DDAH2: variants seen among roughly 807,000 people sequenced by gnomAD.
DDAH2 encodes putative hydrolase DDAH2.
Under a neutral mutation model 24.8 loss-of-function variants are expected in DDAH2, and 8 were observed. The ratio of observed to expected loss-of-function variants is 0.32; its 90% CI spans 0.19 to 0.58. The LOEUF (loss-of-function observed/expected upper bound fraction) is 0.58. Among genes scored for constraint, DDAH2 ranks in the 20% least tolerant of loss-of-function variants. The pLI, the probability that DDAH2 is intolerant of heterozygous loss-of-function variation, is 0.87. For missense variants in DDAH2, 281 were observed against 379.0 expected (o/e 0.74, Z 2.15); for synonymous variants, 151 against 166.1 (o/e 0.91, Z 0.70).
Position 31,728,498 on chromosome 6 carries a change from T to C in DDAH2, c.424A>G (p.Lys142Glu). The C allele has an allele frequency of 6.2e-7, 1 of 1,612,748 alleles. No homozygotes were observed. The highest frequency in any genetic ancestry group is 8.5e-7 in the Non-Finnish European group (1 of 1,179,928). ...TGREFFVGLS[K>E]WTNHRGAEIV... ...TCAGCTCCTCGGTGATTGGTCCATT[T>C]GGAGAGGCCTACGAAAAACTCCCGG... Residue 142 changes from lysine to glutamate, a missense_variant, in exon 3 of 6, where the codon AAA (lysine) becomes GAA (glutamate). Physicochemically the swap from Lys to Glu is moderately conservative, Grantham distance 56. Transcript: ENST00000375789. The surrounding 1 kb of genome is among the most constrained non-coding windows in gnomAD (Gnocchi z 9.8).
chr6:31,728,045 G>T lies in DDAH2; in HGVS notation c.591+128C>A. 1 of 1,161,354 alleles carries T rather than the reference G, an allele frequency of 8.6e-7. No individual in the cohort carries two copies. Among genetic ancestry groups the T allele is most frequent in the Non-Finnish European group, 1.2e-6 (1 of 825,034 alleles). 71.9% of individuals were successfully genotyped at this position (1,161,354 alleles called of 1,614,324 possible). A position where few individuals can be genotyped will look rare whatever the true frequency, so the allele number is the denominator to read the frequency against. On this transcript the variant is annotated intron_variant, in intron 4 of 5. Transcript: ENST00000375789. This position sits in a 1 kb window ranked among gnomAD's most constrained non-coding sequence, Gnocchi z 9.8. ...CTGTTGTAACTTCTTATTTTCTCCT[G>T]TGTTCTTTCATGTAAGATGGACAGC...
Position 31,728,711 on chromosome 6 carries a change from C to T in DDAH2, c.332G>A (p.Gly111Glu). The change falls in exon 2 of 6, where the codon GGG becomes GAG. Residue 111 changes from glycine to glutamate, a missense_variant. Gly to Glu is a moderately conservative substitution (Grantham distance 98). Coordinates refer to ENST00000375789, the MANE Select transcript of DDAH2 (RefSeq NM_001303007.2). This position sits in a 1 kb window ranked among gnomAD's most constrained non-coding sequence, Gnocchi z 9.8. ...DGVRKALQDL[G>E]LRIVEIGDEN... ...GTCTCCTATTTCCACAATTCGGAGC[C>T]CCAGGTCTTGCAGGGCTTTGCGGAC... The T allele has an allele frequency of 6.2e-7, 1 of 1,613,028 alleles. No individual in the cohort carries two copies. Among genetic ancestry groups the T allele is most frequent in the Non-Finnish European group, 8.5e-7 (1 of 1,180,010 alleles).
chr6:31,727,309 G>A lies in DDAH2; in HGVS notation c.786C>T (p.Cys262=). Residue 262 remains cysteine (C), a synonymous_variant, in exon 6 of 6, where the codon TGC becomes TGT. Coordinates refer to ENST00000375789, the MANE Select transcript of DDAH2 (RefSeq NM_001303007.2). The surrounding 1 kb of genome is among the most constrained non-coding windows in gnomAD (Gnocchi z 6.0). ...CGGCGCCAGCCTTCTCCAGTTCTGA[G>A]CAGGACACAGGTACCAGGGTGACAT... is the stretch of plus-strand genomic sequence containing the variant. ...LSDVTLVPVS[C]SELEKAGAGL... is the part of the protein sequence containing the mutation. 6.2e-7 allele frequency: 1 copy of A among 1,613,108 alleles called. No individual in the cohort carries two copies. The highest frequency in any genetic ancestry group is 1.7e-4 in the Middle Eastern group (1 of 6,060).
chr6:31,727,285 G>C lies in DDAH2; in HGVS notation c.810C>G (p.Ala270=). ...GCACCAAGCAGAGGGAGCTGAGCCC[G>C]GCGCCAGCCTTCTCCAGTTCTGAGC... The part of the protein sequence containing the change: ...VSCSELEKAG[A]GLSSLCLVLS... The change falls in exon 6 of 6, where the codon GCC becomes GCG. Residue 270 remains alanine, a synonymous_variant. Transcript: ENST00000375789. The surrounding 1 kb of genome is among the most constrained non-coding windows in gnomAD (Gnocchi z 6.0). The C allele has an allele frequency of 6.2e-7, 1 of 1,613,068 alleles. No homozygotes were observed.
Position 31,728,156 on chromosome 6 carries a change from C to T in DDAH2, c.591+17G>A. The T allele has an allele frequency of 6.2e-7, 1 of 1,609,654 alleles. No homozygotes were observed. On this transcript the variant is annotated intron_variant, in intron 4 of 5. Coordinates refer to ENST00000375789, the MANE Select transcript of DDAH2 (RefSeq NM_001303007.2). The surrounding 1 kb of genome is among the most constrained non-coding windows in gnomAD (Gnocchi z 9.8). ...CCAGAACTGCGCCCACTTTCGTTGG[C>T]CCCGCCCCCTCCTCACCCGGACAGC...
Position 31,727,589 on chromosome 6 carries a change from G to C in DDAH2, c.695C>G (p.Pro232Arg), listed in dbSNP as rs1027552517. The C allele has an allele frequency of 6.2e-7, 1 of 1,613,088 alleles. No homozygotes were observed. The highest frequency in any genetic ancestry group is 8.5e-7 in the Non-Finnish European group (1 of 1,180,022). ...CCCACCTCCACGGTGCAGGAGGAAA[G>C]GGGGCACACCAGGCAACCCAGGACG... Reference protein sequence around the residue: ...FLRPGLPGVPPFLLHRGGGDL... With the variant: ...FLRPGLPGVPRFLLHRGGGDL... The change falls in exon 5 of 6, where the codon CCT becomes CGT. Residue 232 changes from proline (P) to arginine (R), a missense_variant. Pro to Arg is a moderately radical substitution (Grantham distance 103). Coordinates refer to ENST00000375789, the MANE Select transcript of DDAH2 (RefSeq NM_001303007.2). This position sits in a 1 kb window ranked among gnomAD's most constrained non-coding sequence, Gnocchi z 6.0.
chr6:31,728,425 C>A lies in DDAH2; in HGVS notation c.471+26G>T. 1 of 1,612,186 alleles carries A rather than the reference C, an allele frequency of 6.2e-7. No homozygotes were observed. On this transcript the variant is annotated intron_variant, in intron 3 of 5. Coordinates refer to ENST00000375789, the MANE Select transcript of DDAH2 (RefSeq NM_001303007.2). The surrounding 1 kb of genome is among the most constrained non-coding windows in gnomAD (Gnocchi z 9.8). ...TCCGACCCCCACCTGCACCCCCTCC[C>A]TCCCTAGGCTGGTCCCGCTCCGCAC...
Position 31,727,135 on chromosome 6 carries a change from C to T in DDAH2, c.*102G>A. The T allele has an allele frequency of 2.4e-6, 2 of 850,214 alleles. No individual in the cohort carries two copies. Among genetic ancestry groups the T allele is most frequent in the Non-Finnish European group, 3.9e-6 (2 of 512,920 alleles). 52.7% of individuals were successfully genotyped at this position (850,214 alleles called of 1,614,324 possible). ...TCCCCTCCCCCAATATTGAGGCTCT[C>T]TCCCAACTACTGCCTATTCAGCATT... On this transcript the variant is annotated 3_prime_UTR_variant, in exon 6 of 6. Transcript: ENST00000375789. The surrounding 1 kb of genome is among the most constrained non-coding windows in gnomAD (Gnocchi z 6.0).
Position 31,727,836 on chromosome 6 carries a change from C to T in DDAH2, c.592-144G>A. 4.2e-6 allele frequency: 4 copies of T among 959,300 alleles called. No individual in the cohort carries two copies. The highest frequency in any genetic ancestry group is 6.1e-6 in the Non-Finnish European group (4 of 652,520). The allele number at this position is 959,300 out of a possible 1,614,324, so 59.4% of individuals were successfully genotyped here. On this transcript the variant is annotated intron_variant, in intron 4 of 5. Transcript: ENST00000375789. This position sits in a 1 kb window ranked among gnomAD's most constrained non-coding sequence, Gnocchi z 6.0. ...CATAGAGCTTACGATATGTCAGACA[C>T]TAAGTACTTTAGTTACCTTTGCTAA...
At position 31,728,701 on chromosome 6, in the gene DDAH2, A is replaced by T. The variant is rs758360957; in HGVS notation, c.342T>A (p.Ile114=). The change falls in exon 2 of 6, where the codon ATT becomes ATA. Residue 114 remains isoleucine, a synonymous_variant. Transcript: ENST00000375789. The surrounding 1 kb of genome is among the most constrained non-coding windows in gnomAD (Gnocchi z 9.8). Reference sequence around the variant, plus strand: ...TCGCGTTCTCGTCTCCTATTTCCACAATTCGGAGCCCCAGGTCTTGCAGGG... The same window carrying T: ...TCGCGTTCTCGTCTCCTATTTCCACTATTCGGAGCCCCAGGTCTTGCAGGG... ...RKALQDLGLR[I]VEIGDENATL... 5 of 1,612,938 alleles carry T rather than the reference A, an allele frequency of 3.1e-6. No individual in the cohort carries two copies. The highest frequency in any genetic ancestry group is 3.3e-5 in the Admixed American group (2 of 60,012).
rs1807569492 is a variant in DDAH2, at chr6:31,728,500, G to T, written c.422C>A (p.Ser141Tyr). 6.2e-7 allele frequency: 1 copy of T among 1,612,786 alleles called. No individual in the cohort carries two copies. Among genetic ancestry groups the T allele is most frequent in the South Asian group, 1.1e-5 (1 of 91,070 alleles). Residue 141 changes from serine to tyrosine, a missense_variant, in exon 3 of 6, where the codon TCC (serine) becomes TAC (tyrosine). Transcript: ENST00000375789. The surrounding 1 kb of genome is among the most constrained non-coding windows in gnomAD (Gnocchi z 9.8). The stretch of plus-strand genomic sequence containing the variant: ...AGCTCCTCGGTGATTGGTCCATTTG[G>T]AGAGGCCTACGAAAAACTCCCGGCC... ...FTGREFFVGL[S>Y]KWTNHRGAEI...
rs539164684 is a variant in DDAH2 at position 31,727,667 on chromosome 6, G to T, written c.617C>A (p.Pro206Gln). ...ATCTGGGAGGGTCAGGGAGGCATAT[G>T]GGTGATCTGTCAGCACTGCCATTGC... Reference protein sequence around the residue: ...VRAMAVLTDHPYASLTLPDDA... With the variant: ...VRAMAVLTDHQYASLTLPDDA... The change falls in exon 5 of 6, where the codon CCA becomes CAA. Residue 206 changes from proline to glutamine, a missense_variant. By Grantham distance (76) the Pro-to-Gln change is moderately conservative (BLOSUM62 -1). Coordinates refer to ENST00000375789, the MANE Select transcript of DDAH2 (RefSeq NM_001303007.2). This position sits in a 1 kb window ranked among gnomAD's most constrained non-coding sequence, Gnocchi z 6.0. The T allele has an allele frequency of 1.2e-5, 19 of 1,610,116 alleles. No homozygotes were observed. In the African/African-American group the frequency reaches 2.0e-4, roughly 17 times the overall value.
rs1167286627 is a variant in DDAH2 at position 31,728,598 on chromosome 6, C to G, written c.397+48G>C. 1 of 1,611,610 alleles carries G rather than the reference C, an allele frequency of 6.2e-7. No individual in the cohort carries two copies. The highest frequency in any genetic ancestry group is 8.5e-7 in the Non-Finnish European group (1 of 1,179,014). The stretch of plus-strand genomic sequence containing the variant: ...CAAGGCTCCAGACGGCCGAGTCTCC[C>G]AAACTCTACTTCCCTGTGCCAAGAC... On this transcript the variant is annotated intron_variant, in intron 2 of 5. Transcript: ENST00000375789. The surrounding 1 kb of genome is among the most constrained non-coding windows in gnomAD (Gnocchi z 9.8).
At chr6:31,729,547 GC>G (rs1807695226), upstream of DDAH2, 2 of 249,458 alleles carry the variant, frequency 8.0e-6, no homozygotes, top group Non-Finnish European at 1.6e-5. This position sits in a 1 kb window ranked among gnomAD's most constrained non-coding sequence, Gnocchi z 6.7. Context: ...CCCCAAAAAT[GC>G]AGCAGCCCCG....
Position 31,728,632 on chromosome 6 carries a change from C to G in DDAH2, c.397+14G>C, listed in dbSNP as rs1306584623. 6.2e-7 allele frequency: 1 copy of G among 1,611,720 alleles called. No individual in the cohort carries two copies. The highest frequency in any genetic ancestry group is 8.5e-7 in the Non-Finnish European group (1 of 1,179,040). On this transcript the variant is annotated intron_variant, in intron 2 of 5. Transcript: ENST00000375789. This position sits in a 1 kb window ranked among gnomAD's most constrained non-coding sequence, Gnocchi z 9.8. ...CTTCCCTGTGCCAAGACCTATGCCTCCCCCCAGCCTCACCGGTGAAGAGAA... is the reference window on the plus strand; with the variant it reads ...CTTCCCTGTGCCAAGACCTATGCCTGCCCCCAGCCTCACCGGTGAAGAGAA...
rs1807590428 is a variant in DDAH2 at position 31,728,673 on chromosome 6, G to A, written c.370C>T (p.Leu124=). Residue 124 remains leucine, a synonymous_variant, in exon 2 of 6, where the codon CTG becomes TTG. Coordinates refer to ENST00000375789, the MANE Select transcript of DDAH2 (RefSeq NM_001303007.2). The surrounding 1 kb of genome is among the most constrained non-coding windows in gnomAD (Gnocchi z 9.8). The part of the protein sequence containing the change: ...IVEIGDENAT[L]DGTDVLFTGR... The stretch of plus-strand genomic sequence containing the variant: ...GTGAAGAGAACGTCAGTGCCATCCA[G>A]CGTCGCGTTCTCGTCTCCTATTTCC... 6.2e-7 allele frequency: 1 copy of A among 1,613,028 alleles called. No individual in the cohort carries two copies. Among genetic ancestry groups the A allele is most frequent in the African/African-American group, 1.3e-5 (1 of 75,036 alleles).
At position 31,728,226 on chromosome 6, in the gene DDAH2, C is replaced by T; in HGVS notation, c.538G>A (p.Gly180Arg). The T allele has an allele frequency of 6.2e-7, 1 of 1,612,824 alleles. No individual in the cohort carries two copies. Among genetic ancestry groups the T allele is most frequent in the Non-Finnish European group, 8.5e-7 (1 of 1,179,956 alleles). ...CTGCCTGCCACAACAGTGCGAGGTC[C>T]CCCCATGCCGCAGAGACCGCGCAGG... Reference protein sequence around the residue: ...SHLRGLCGMGGPRTVVAGSSD... With the variant: ...SHLRGLCGMGRPRTVVAGSSD... Residue 180 changes from glycine (G) to arginine (R), a missense_variant, in exon 4 of 6, where the codon GGA (glycine) becomes AGA (arginine). Gly to Arg is a moderately radical substitution (Grantham distance 125, BLOSUM62 -2). Coordinates refer to ENST00000375789, the MANE Select transcript of DDAH2 (RefSeq NM_001303007.2). The surrounding 1 kb of genome is among the most constrained non-coding windows in gnomAD (Gnocchi z 9.8).
chr6:31,728,162 C>G lies in DDAH2; in HGVS notation c.591+11G>C. Reference sequence around the variant, plus strand: ...CTGCGCCCACTTTCGTTGGCCCCGCCCCCTCCTCACCCGGACAGCCTTTTG... The same window carrying G: ...CTGCGCCCACTTTCGTTGGCCCCGCGCCCTCCTCACCCGGACAGCCTTTTG... On this transcript the variant is annotated intron_variant, in intron 4 of 5. Coordinates refer to ENST00000375789, the MANE Select transcript of DDAH2 (RefSeq NM_001303007.2). This position sits in a 1 kb window ranked among gnomAD's most constrained non-coding sequence, Gnocchi z 9.8. 1 of 1,610,864 alleles carries G rather than the reference C, an allele frequency of 6.2e-7. No individual in the cohort carries two copies. Among genetic ancestry groups the G allele is most frequent in the Non-Finnish European group, 8.5e-7 (1 of 1,179,816 alleles).
At position 31,729,149 on chromosome 6, in the gene DDAH2, C is replaced by G. The variant is rs761780700; in HGVS notation, c.13G>C (p.Gly5Arg). ...TGGGAGCAGCGGCCCAGCCCCTCCC[C>G]CGGCGTCCCCATCCCATCCACACAG... MGTP[G>R]EGLGRCSHAL... The change falls in exon 1 of 6, where the codon GGG (glycine) becomes CGG (arginine). Residue 5 changes from glycine to arginine, a missense_variant. Physicochemically the swap from Gly to Arg is moderately radical, Grantham distance 125. Transcript: ENST00000375789. The surrounding 1 kb of genome is among the most constrained non-coding windows in gnomAD (Gnocchi z 6.7). The G allele has an allele frequency of 6.2e-7, 1 of 1,607,526 alleles. No homozygotes were observed. Among genetic ancestry groups the G allele is most frequent in the African/African-American group, 1.3e-5 (1 of 74,810 alleles).
Sources: allele counts gnomAD v4.1 joint callset, GRCh38; gene constraint gnomAD v4.1.1; non-coding constraint Gnocchi (gnomAD v3.1); transcripts MANE v1.5; gene names NCBI Gene and HGNC (gene_info 2026-07-23, HGNC 2026-07-21).